The following TMEM232 variants were observed in gnomAD, a reference collection of about 807,000 sequenced individuals.
TMEM232 encodes the protein transmembrane protein 232.
In TMEM232, 80 loss-of-function variants were observed where a neutral mutation model predicts 78.8. The observed-to-expected ratio is 1.01, with a 90% CI of 0.85 to 1.22. The LOEUF (loss-of-function observed/expected upper bound fraction) is 1.22, where lower values mean the gene tolerates loss of function less well. Ranked by LOEUF, TMEM232 falls within the 50% of genes most tolerant of loss-of-function variation. The probability of loss-of-function intolerance (pLI) is 0.00; values close to 1 mark genes in which losing one functional copy is unlikely to be tolerated. For missense variants in TMEM232, 881 were observed against 742.2 expected, an observed-to-expected ratio of 1.19 and a Z score of -2.17; for synonymous variants, 297 against 254.3, an observed-to-expected ratio of 1.17 and a Z score of -1.60.
chr5:110,465,977 A>AGTT lies in TMEM232; in HGVS notation c.1704-41064_1704-41062dup, dbSNP rs1762031306. Among the ~76,000 whole-genome samples, 4 of 152,302 alleles carry AGTT rather than the reference A, an allele frequency of 2.6e-5. No individual in the cohort carries two copies. In the South Asian group the frequency reaches 8.3e-4, roughly 32 times the overall value. Reference sequence around the variant, plus strand: ...ACATTCATTCTAGATACATTTAATGAGTTGAAAAAAATGATCTTTCATGAG... The same window carrying AGTT: ...ACATTCATTCTAGATACATTTAATGAGTTGTTGAAAAAAATGATCTTTCATGAG... On this transcript the variant is annotated intron_variant, in intron 12 of 13. Transcript: ENST00000455884.
chr5:110,541,158 G>A (rs907637126), intron 11 of TMEM232, among the ~76,000 whole-genome samples: 5 of 152,102 alleles, frequency 3.3e-5, no homozygotes, highest in African/African-American at 9.7e-5. Flanking sequence ...TTCCATATAG[G>A]GAGAGATGCT....
chr5:110,523,966 A>AGGGGG (rs1230285778), intron 12 of TMEM232, among the ~76,000 whole-genome samples: 2 of 41,240 alleles, frequency 4.8e-5, no homozygotes, highest in Non-Finnish European at 4.6e-5. Flanking sequence ...AAAAAAAAAA[A>AGGGGG]GGGGGGGGGG....
intron 1 of TMEM232, among the ~76,000 whole-genome samples, chr5:110,701,277 A>G (rs1425640501): frequency 6.6e-6 from 1 of 152,004 alleles, no homozygotes; most frequent in African/African-American, 2.4e-5. Flanking sequence ...ATCTACTGAA[A>G]TAGAAGGAAT....
chr5:110,512,225 C>A (rs1222971029), intron 12 of TMEM232, among the ~76,000 whole-genome samples: 1 of 152,134 alleles, frequency 6.6e-6, no homozygotes, highest in Non-Finnish European at 1.5e-5. Context: ...AGTACTATAT[C>A]TGAGACATTT....
Position 110,489,766 on chromosome 5 carries a change from T to C in TMEM232, c.1703+38822A>G, listed in dbSNP as rs528549338. Reference sequence around the variant, plus strand: ...TATAAAAAATCCTAATATGCACAGATAGAAAAATGTTAGCACTAATAAATG... The same window carrying C: ...TATAAAAAATCCTAATATGCACAGACAGAAAAATGTTAGCACTAATAAATG... On this transcript the variant is annotated intron_variant, in intron 12 of 13. Transcript: ENST00000455884. Among the ~76,000 whole-genome samples, 32 of 152,050 alleles carry C rather than the reference T, an allele frequency of 2.1e-4. 1 individual carries two copies. In the South Asian group the frequency reaches 6.0e-3, roughly 29 times the overall value.
intron 12 of TMEM232, among the ~76,000 whole-genome samples, chr5:110,488,601 A>C (rs1764710907): frequency 6.6e-6 from 1 of 152,074 alleles, no homozygotes; most frequent in Non-Finnish European, 1.5e-5. Flanking sequence ...AAACATAACA[A>C]AATTATTAAA....
At chr5:110,661,066 ATG>A (rs1789716989) in intron 2 of TMEM232, among the ~76,000 whole-genome samples, 1 of 152,142 alleles carries the variant, frequency 6.6e-6, no homozygotes, top group East Asian at 1.9e-4. Context: ...TAGCACACAC[ATG>A]TGAGTGACAA....
chr5:110,572,802 G>C (rs980683475), intron 10 of TMEM232, among the ~76,000 whole-genome samples: 4 of 152,000 alleles, frequency 2.6e-5, no homozygotes, highest in African/African-American at 9.7e-5. Context: ...CTGACTGACA[G>C]TTAATGAAGA....
At chr5:110,664,414 T>A (rs1790272340) in intron 2 of TMEM232, among the ~76,000 whole-genome samples, 1 of 152,220 alleles carries the variant, frequency 6.6e-6, no homozygotes, top group African/African-American at 2.4e-5. Context: ...AAAATACAAT[T>A]TCATATTCAC....
intron 12 of TMEM232, among the ~76,000 whole-genome samples, chr5:110,434,142 C>A (rs544853621): frequency 6.7e-5 from 10 of 149,546 alleles, no homozygotes; most frequent in African/African-American, 2.5e-4. Context: ...ATTGAGACCC[C>A]CCCAAAACAT....
At chr5:110,587,540 C>T (rs1311154449) in intron 10 of TMEM232, among the ~76,000 whole-genome samples, 4 of 151,446 alleles carry the variant, frequency 2.6e-5, no homozygotes, top group Admixed American at 2.0e-4. Flanking sequence ...CATTTAGTTG[C>T]CAACACACCA....
intron 12 of TMEM232, among the ~76,000 whole-genome samples, chr5:110,495,763 A>G (rs1034394419): frequency 6.6e-6 from 1 of 151,822 alleles, no homozygotes; most frequent in Non-Finnish European, 1.5e-5. Flanking sequence ...CATTAACTTA[A>G]TGTCACATTT....
At chr5:110,467,082 AAAAATTT>A (rs1442696196) in intron 12 of TMEM232, among the ~76,000 whole-genome samples, 18 of 152,312 alleles carry the variant, frequency 1.2e-4, no homozygotes, top group African/African-American at 4.3e-4. Flanking sequence ...TAATCAGAAA[AAAAATTT>A]AAAGAAGATG....
chr5:110,527,437 T>C (rs1273006451), intron 12 of TMEM232, among the ~76,000 whole-genome samples: 1 of 151,876 alleles, frequency 6.6e-6, no homozygotes, highest in Non-Finnish European at 1.5e-5. Flanking sequence ...AATAAATACA[T>C]AAGAAAGTAT....
intron 3 of TMEM232, among the ~76,000 whole-genome samples, chr5:110,391,326 T>TGTGAGAGAGA (rs549361387): frequency 2.1e-5 from 3 of 139,814 alleles, no homozygotes; most frequent in Admixed American, 7.2e-5. Context: ...TGTGTGTGTG[T>TGTGAGAGAGA]GAGAGAGAGA....
intron 1 of TMEM232, among the ~76,000 whole-genome samples, chr5:110,694,023 T>C (rs1794458075): frequency 6.6e-6 from 1 of 151,088 alleles, no homozygotes; most frequent in African/African-American, 2.4e-5. Context: ...AAAGTTGAAA[T>C]GAAGGAAAAA....
chr5:110,593,911 T>A (rs1779835384), intron 10 of TMEM232, among the ~76,000 whole-genome samples: 1 of 152,104 alleles, frequency 6.6e-6, no homozygotes, highest in Non-Finnish European at 1.5e-5. Context: ...AATGCCTGTA[T>A]CAAAATATCC....
chr5:110,685,753 A>G (rs1356877951), intron 1 of TMEM232, among the ~76,000 whole-genome samples: 2 of 152,192 alleles, frequency 1.3e-5, no homozygotes, highest in African/African-American at 2.4e-5. Flanking sequence ...ACCATCTGTC[A>G]GTGGGAAAAT....
intron 8 of TMEM232, among the ~76,000 whole-genome samples, chr5:110,613,879 G>A (rs1469503896): frequency 6.6e-6 from 1 of 151,866 alleles, no homozygotes; most frequent in Non-Finnish European, 1.5e-5. Flanking sequence ...ATTTTGTAAG[G>A]AGAAAAGTTG....
Sources: gnomAD v4.1 joint callset for allele counts (sites outside exome capture counted in the v4.1 genomes callset) on GRCh38, gnomAD v4.1.1 for gene constraint, MANE v1.5 for transcripts, NCBI Gene and HGNC (gene_info 2026-07-23, HGNC 2026-07-21) for gene names.